CAMSAP3: variants seen among roughly 807,000 people sequenced by gnomAD.
CAMSAP3 encodes calmodulin-regulated spectrin-associated protein 3.
In CAMSAP3, 34 loss-of-function variants were observed where a neutral mutation model predicts 112.5. That is an observed-to-expected ratio of 0.30 (90% CI 0.23 to 0.40). CAMSAP3 has a LOEUF of 0.40. Ranked by LOEUF, CAMSAP3 falls within the 10% of genes least tolerant of loss-of-function variation. The pLI is 1.00. For missense variants in CAMSAP3, 1,602 were observed against 1,770.3 expected (o/e 0.90, Z 1.71); for synonymous variants, 868 against 799.8 (o/e 1.09, Z -1.44).
chr19:7,603,033 G>A (rs750161213), intron 1 of CAMSAP3, among the ~76,000 whole-genome samples: 1 of 152,054 alleles, frequency 6.6e-6, no homozygotes, highest in Admixed American at 6.6e-5. Flanking sequence ...GTCTACATGC[G>A]GGTGGCGCGT....
At chr19:7,606,632 C>G in intron 4 of CAMSAP3, 61 bp downstream of exon 4, 1 of 1,521,070 alleles carries the variant, frequency 6.6e-7, no homozygotes, top group South Asian at 1.2e-5. Flanking sequence ...GAGGGCAGGG[C>G]TGTGCTTCCT....
Position 7,617,875 on chromosome 19 carries a change from C to A in CAMSAP3, c.3568C>A (p.Pro1190Thr). The A allele has an allele frequency of 1.2e-6, 2 of 1,613,648 alleles. No individual in the cohort carries two copies. The highest frequency in any genetic ancestry group is 1.1e-5 in the South Asian group (1 of 91,080). ...EELSRLAGYG[P>T]RTVTPAMVEG... ...GCTGTCGCGGCTGGCAGGGTATGGG[C>A]CCCGGACCGTCACGCCCGCCATGGT... The change falls in exon 17 of 17, where the codon CCC becomes ACC. Residue 1190 changes from proline (P) to threonine (T), a missense_variant. By Grantham distance (38) the Pro-to-Thr change is conservative. Around this residue, in one of 6 missense-constraint regions of CAMSAP3, gnomAD observed 150 missense variants for 207.6 expected, o/e 0.72. Coordinates refer to ENST00000160298, the MANE Select transcript of CAMSAP3 (RefSeq NM_020902.2). The surrounding 1 kb of genome is among the most constrained non-coding windows in gnomAD (Gnocchi z 7.5).
At chr19:7,605,147 GGTGTGT>G (rs56244737) in intron 1 of CAMSAP3, 73 bp from the exon 2 acceptor site, 100 of 624,296 alleles carry the variant, frequency 1.6e-4, no homozygotes, top group South Asian at 2.5e-4. Flanking sequence ...CGGGCCATGT[GGTGTGT>G]GTGTGTGTGT....
chr19:7,611,804 C>A lies in CAMSAP3; in HGVS notation c.1311C>A (p.Pro437=), dbSNP rs1295852320. 9 of 1,595,082 alleles carry A rather than the reference C, an allele frequency of 5.6e-6. No individual in the cohort carries two copies. The South Asian group carries it at 5.6e-5, about 10-fold the overall frequency. ...LRSVSSDSLG[P]PRPAPARTPT... ...CTGTGAGCTCGGACAGCCTGGGCCCCCCGCGTCCCGCGCCGGCCAGGACCC... is the reference window on the plus strand; with the variant it reads ...CTGTGAGCTCGGACAGCCTGGGCCCACCGCGTCCCGCGCCGGCCAGGACCC... The change falls in exon 11 of 17, where the codon CCC becomes CCA. Residue 437 remains proline (P), a synonymous_variant. Coordinates refer to ENST00000160298, the MANE Select transcript of CAMSAP3 (RefSeq NM_020902.2). This position sits in a 1 kb window ranked among gnomAD's most constrained non-coding sequence, Gnocchi z 6.9.
Position 7,615,738 on chromosome 19 carries a change from C to G in CAMSAP3, c.3112+19C>G. Reference sequence around the variant, plus strand: ...CTGCTGGGTGAGGACCCTTGGGGGACGGGGCCTGCCCAGTGCCCTTTCCGG... The same window carrying G: ...CTGCTGGGTGAGGACCCTTGGGGGAGGGGGCCTGCCCAGTGCCCTTTCCGG... On this transcript the variant is annotated intron_variant, in intron 13 of 16. Transcript: ENST00000160298. The surrounding 1 kb of genome is among the most constrained non-coding windows in gnomAD (Gnocchi z 6.5). 1 of 1,133,520 alleles carries G rather than the reference C, an allele frequency of 8.8e-7. No individual in the cohort carries two copies. The highest frequency in any genetic ancestry group is 1.8e-5 in the South Asian group (1 of 56,770). 70.2% of individuals were successfully genotyped at this position (1,133,520 alleles called of 1,614,324 possible).
intron 14 of CAMSAP3, among the ~76,000 whole-genome samples, chr19:7,616,933 C>CTT (rs2030823040): frequency 1.2e-5 from 1 of 80,320 alleles, no homozygotes. Flanking sequence ...GTGTGGCCCG[C>CTT]CTTTTTTTTT....
chr19:7,616,933 C>CTTTTTTT, intron 14 of CAMSAP3, among the ~76,000 whole-genome samples: 1 of 80,320 alleles, frequency 1.2e-5, no homozygotes. Context: ...GTGTGGCCCG[C>CTTTTTTT]CTTTTTTTTT....
At chr19:7,616,687 TG>T (rs1290525473) in intron 14 of CAMSAP3, 65 bp downstream of exon 14, 20 of 1,172,048 alleles carry the variant, frequency 1.7e-5, no homozygotes, top group Non-Finnish European at 2.5e-5. Context: ...GGGAGGTGTG[TG>T]GGCATCTGGG....
intron 1 of CAMSAP3, 103 bp from the exon 2 acceptor site, chr19:7,605,123 A>G: frequency 1.4e-6 from 1 of 716,550 alleles, no homozygotes; most frequent in South Asian, 2.4e-5. Context: ...CCTGGTCCAG[A>G]CACACTCTTA....
At chr19:7,601,494 T>C (rs1000011985) in intron 1 of CAMSAP3, among the ~76,000 whole-genome samples, 1 of 152,166 alleles carries the variant, frequency 6.6e-6, no homozygotes, top group African/African-American at 2.4e-5. Context: ...AATTTTTGTA[T>C]TTTTAGTAGA....
Position 7,617,334 on chromosome 19 carries a change from C to T in CAMSAP3, c.3221C>T (p.Ser1074Phe). 1 of 1,613,618 alleles carries T rather than the reference C, an allele frequency of 6.2e-7. No individual in the cohort carries two copies. The highest frequency in any genetic ancestry group is 8.5e-7 in the Non-Finnish European group (1 of 1,179,526). Reference protein sequence around the residue: ...GVKRPTSRAPSPSGLMSPSRL... With the variant: ...GVKRPTSRAPFPSGLMSPSRL... ...TCCTTCTCCCACTGCAGGGCTCCCT[C>T]CCCGTCAGGTCTCATGTCCCCAAGC... Residue 1074 changes from serine (S) to phenylalanine (F), a missense_variant, in exon 15 of 17, where the codon TCC (serine) becomes TTC (phenylalanine). Ser to Phe is a radical substitution (Grantham distance 155). Around this residue, in one of 6 missense-constraint regions of CAMSAP3, gnomAD observed 1,100 missense variants for 1,135.7 expected, o/e 0.97. Transcript: ENST00000160298. This position sits in a 1 kb window ranked among gnomAD's most constrained non-coding sequence, Gnocchi z 7.5.
At position 7,610,393 on chromosome 19, in the gene CAMSAP3, TG is replaced by T; in HGVS notation, c.761-78del. ...GGGCTCATAGGAGGTCTTCCGTGTGTGGGGGACTGCTGGTCCCTGGCTTCCC... is the reference window on the plus strand; with the variant it reads ...GGGCTCATAGGAGGTCTTCCGTGTGTGGGGACTGCTGGTCCCTGGCTTCCC... On this transcript the variant is annotated intron_variant, in intron 5 of 16. Coordinates refer to ENST00000160298, the MANE Select transcript of CAMSAP3 (RefSeq NM_020902.2). This position sits in a 1 kb window ranked among gnomAD's most constrained non-coding sequence, Gnocchi z 4.9. 7.7e-7 allele frequency: 1 copy of T among 1,293,856 alleles called. No individual in the cohort carries two copies. Among genetic ancestry groups the T allele is most frequent in the Non-Finnish European group, 1.1e-6 (1 of 930,696 alleles). 80.1% of individuals were successfully genotyped at this position (1,293,856 alleles called of 1,614,324 possible). A position where few individuals can be genotyped will look rare whatever the true frequency, so the allele number is the denominator to read the frequency against.
intron 1 of CAMSAP3, among the ~76,000 whole-genome samples, chr19:7,599,441 G>C (rs566441949): frequency 2.7e-4 from 7 of 25,942 alleles, no homozygotes; most frequent in African/African-American, 3.6e-4. Context: ...CCTACCCACT[G>C]CACTCATCCA....
Position 7,610,090 on chromosome 19 carries a change from G to A in CAMSAP3, c.761-386G>A, listed in dbSNP as rs1010553781. 5.9e-5 allele frequency among the ~76,000 whole-genome samples: 9 copies of A among 152,156 alleles called. No individual in the cohort carries two copies. The highest frequency in any genetic ancestry group is 2.0e-4 in the Admixed American group (3 of 15,280). On this transcript the variant is annotated intron_variant, in intron 5 of 16. Transcript: ENST00000160298. The surrounding 1 kb of genome is among the most constrained non-coding windows in gnomAD (Gnocchi z 4.9). ...TCCCAGCACTTTGGGTGGCTGAGGC[G>A]GCCGGATCATGAAGTCAGGAGATCG...
At chr19:7,616,947 T>TTTG (rs1555763669) in intron 14 of CAMSAP3, among the ~76,000 whole-genome samples, 2 of 112,302 alleles carry the variant, frequency 1.8e-5, no homozygotes, top group African/African-American at 3.0e-5. Context: ...TTTTTTTTTT[T>TTTG]TTTTTTTTTT....
Position 7,615,038 on chromosome 19 carries a change from T to G in CAMSAP3, c.2671-145T>G. 1.1e-6 allele frequency: 1 copy of G among 934,436 alleles called. No individual in the cohort carries two copies. The allele number at this position is 934,436 out of a possible 1,614,324, so 57.9% of individuals were successfully genotyped here. ...CCAGTACTTAGTGTGGGGCTGTGCA[T>G]ACAGTAGGCACCAACTAAGTGCATT... On this transcript the variant is annotated intron_variant, in intron 11 of 16. Transcript: ENST00000160298. This position sits in a 1 kb window ranked among gnomAD's most constrained non-coding sequence, Gnocchi z 6.5.
In CAMSAP3 at chr19:7,612,254, G is replaced by A. The variant is rs2030534434; in HGVS notation, c.1761G>A (p.Thr587=). The change falls in exon 11 of 17, where the codon ACG becomes ACA. Residue 587 remains threonine (T), a synonymous_variant. Coordinates refer to ENST00000160298, the MANE Select transcript of CAMSAP3 (RefSeq NM_020902.2). ...CTGAGGCCGGAGCGGGGTCCCCCAC[G>A]TCCACTCCGGCCCCGCCGGAGGCCC... ...AEAEAGAGSP[T]STPAPPEALS... is the part of the protein sequence containing the mutation. The A allele has an allele frequency of 3.8e-6, 6 of 1,591,806 alleles. No individual in the cohort carries two copies. The highest frequency in any genetic ancestry group is 2.6e-6 in the Non-Finnish European group (3 of 1,169,986).
rs2030752774 is a variant in CAMSAP3, at chr19:7,615,794, G to A, written c.3112+75G>A. Reference sequence around the variant, plus strand: ...ACTGGGTGAGGCCCCCATGGGTAAGGGGGGAGGGGGAGGGAGATGTAAGCA... The same window carrying A: ...ACTGGGTGAGGCCCCCATGGGTAAGAGGGGAGGGGGAGGGAGATGTAAGCA... On this transcript the variant is annotated intron_variant, in intron 13 of 16. Transcript: ENST00000160298. The surrounding 1 kb of genome is among the most constrained non-coding windows in gnomAD (Gnocchi z 6.5). 8.9e-7 allele frequency: 1 copy of A among 1,127,406 alleles called. No homozygotes were observed. The highest frequency in any genetic ancestry group is 3.9e-5 in the Admixed American group (1 of 25,784). The allele number at this position is 1,127,406 out of a possible 1,614,324, so 69.8% of individuals were successfully genotyped here. A position where few individuals can be genotyped will look rare whatever the true frequency, so the allele number is the denominator to read the frequency against.
chr19:7,613,866 T>C (rs1044645984), intron 11 of CAMSAP3, among the ~76,000 whole-genome samples: 28 of 152,108 alleles, frequency 1.8e-4, no homozygotes, highest in African/African-American at 6.0e-4. Context: ...CACCTAGGGT[T>C]ACCTGACTGG....
Sources: gnomAD v4.1 joint callset for allele counts (sites outside exome capture counted in the v4.1 genomes callset) on GRCh38, gnomAD v4.1.1 for gene constraint, gnomAD v4.1.1 regional missense constraint, Gnocchi (gnomAD v3.1) non-coding constraint, MANE v1.5 for transcripts, NCBI Gene and HGNC (gene_info 2026-07-23, HGNC 2026-07-21) for gene names.